Variants in HDAC8 observed in about 807,000 individuals in gnomAD.
The protein encoded by HDAC8 is histone deacetylase 8, also known as histone deacetylase-like 1.
A neutral mutation model predicts 32.2 loss-of-function variants in HDAC8; 1 was observed. The observed-to-expected ratio is 0.03, with a 90% CI of 0.01 to 0.15. The LOEUF (loss-of-function observed/expected upper bound fraction) is 0.15. Among genes scored for constraint, HDAC8 ranks in the 10% least tolerant of loss-of-function variants. The pLI, the probability that HDAC8 is intolerant of heterozygous loss-of-function variation, is 1.00. For missense variants in HDAC8, 117 were observed against 300.0 expected, an observed-to-expected ratio of 0.39 and a Z score of 4.51; for synonymous variants, 108 against 113.9, an observed-to-expected ratio of 0.95 and a Z score of 0.33.
At chrX:72,532,249 A>ATTTTTTTTTTTT (rs34829256) in intron 4 of HDAC8, among the ~76,000 whole-genome samples, 5 of 54,192 alleles carry the variant, frequency 9.2e-5, no homozygotes, top group Non-Finnish European at 1.2e-4. Context: ...CGTGTTGGGC[A>ATTTTTTTTTTTT]TTTTTTTTTT....
intron 2 of HDAC8, 86 bp downstream of exon 2, chrX:72,571,971 C>A (rs1603245371): frequency 1.3e-6 from 1 of 774,292 alleles, no homozygotes; most frequent in South Asian, 2.9e-5. Context: ...TTCAAAAGAC[C>A]ATTCTTTTCC....
chrX:72,401,319 C>T (rs965428706), intron 9 of HDAC8, among the ~76,000 whole-genome samples: 1 of 112,071 alleles, frequency 8.9e-6, no homozygotes, highest in South Asian at 3.8e-4. Context: ...ACTGCAACCT[C>T]AACCTCCTGG....
chrX:72,432,837 T>C (rs145192290), intron 9 of HDAC8, among the ~76,000 whole-genome samples: 83 of 111,874 alleles, frequency 7.4e-4, no homozygotes, highest in African/African-American at 2.6e-3. Context: ...CACTTGGCAG[T>C]GTCTGGCACA....
At chrX:72,337,728 C>T (rs1459619040) in intron 10 of HDAC8, among the ~76,000 whole-genome samples, 2 of 111,627 alleles carry the variant, frequency 1.8e-5, no homozygotes, top group Non-Finnish European at 3.8e-5. Context: ...GACCACATCA[C>T]TCCTATGCTC....
At chrX:72,516,355 A>G (rs1037484407) in intron 4 of HDAC8, among the ~76,000 whole-genome samples, 2 of 110,891 alleles carry the variant, frequency 1.8e-5, no homozygotes, top group Non-Finnish European at 3.8e-5. Context: ...CTGTAGTGTC[A>G]CAGTCACCGG....
intron 10 of HDAC8, among the ~76,000 whole-genome samples, chrX:72,347,793 A>G (rs1341916210): frequency 3.6e-5 from 4 of 112,126 alleles, no homozygotes; most frequent in Admixed American, 1.9e-4. Context: ...ATGATTTTAC[A>G]ATAGTAGTCA....
At chrX:72,451,025 A>C (rs1718774068) in intron 9 of HDAC8, among the ~76,000 whole-genome samples, 1 of 111,097 alleles carries the variant, frequency 9.0e-6, no homozygotes, top group Non-Finnish European at 1.9e-5. Flanking sequence ...AAATCTGAAA[A>C]AAAATCTGAA....
At chrX:72,467,115 T>C (rs1555995023) in intron 7 of HDAC8, 1 of 110,674 alleles carries the variant, frequency 9.0e-6, no homozygotes. Flanking sequence ...ATGGTACTGA[T>C]CTGTATCTTG....
intron 9 of HDAC8, among the ~76,000 whole-genome samples, chrX:72,434,110 C>A (rs782309863): frequency 3.6e-4 from 40 of 111,564 alleles, no homozygotes; most frequent in African/African-American, 1.3e-3. Context: ...AATCCCGGAC[C>A]CTGCTGAAAG....
chrX:72,520,361 A>G (rs782786302), intron 4 of HDAC8, among the ~76,000 whole-genome samples: 1 of 112,276 alleles, frequency 8.9e-6, no homozygotes, highest in South Asian at 3.7e-4. Flanking sequence ...CTCATCATAC[A>G]TTTCATAGGC....
intron 9 of HDAC8, among the ~76,000 whole-genome samples, chrX:72,404,657 A>T (rs188140709): frequency 9.0e-6 from 1 of 111,178 alleles, no homozygotes; most frequent in East Asian, 2.8e-4. Flanking sequence ...ATATAATTTT[A>T]GGATGAAATT....
At chrX:72,490,807 A>T (rs782581632) in intron 6 of HDAC8, 122 bp downstream of exon 6, 7 of 496,101 alleles carry the variant, frequency 1.4e-5, no homozygotes, top group South Asian at 4.2e-5. Context: ...CAAAAAAAAA[A>T]ATTTTGCATA....
At chrX:72,371,496 A>G (rs1241859112) in intron 9 of HDAC8, among the ~76,000 whole-genome samples, 1 of 111,576 alleles carries the variant, frequency 9.0e-6, no homozygotes, top group African/African-American at 3.3e-5. Context: ...TTTGGGAACT[A>G]GGAAGTCCTG....
intron 7 of HDAC8, chrX:72,474,331 TC>T (rs1195873717): frequency 1.3e-6 from 1 of 757,967 alleles, no homozygotes; most frequent in African/African-American, 2.3e-5. Context: ...TCCACTAACT[TC>T]CTCGAGGGTA....
chrX:72,517,970 C>T lies in HDAC8; in HGVS notation c.438-22702G>A, dbSNP rs138647051. Among the ~76,000 whole-genome samples the T allele has an allele frequency of 4.1e-3, 460 of 111,627 alleles. 3 individuals carry two copies. Among genetic ancestry groups the T allele is most frequent in the Non-Finnish European group, 6.5e-3 (344 of 53,071 alleles). On this transcript the variant is annotated intron_variant, in intron 4 of 10. Coordinates refer to ENST00000373573, the MANE Select transcript of HDAC8 (RefSeq NM_018486.3). ...ATTGTGTTGAATCTTTAGGTCAATT[C>T]GGGAGTATTGCCATCTTAACAATAT...
chrX:72,470,733 T>C (rs1392842418), intron 7 of HDAC8, among the ~76,000 whole-genome samples: 2 of 112,027 alleles, frequency 1.8e-5, no homozygotes, highest in Admixed American at 1.9e-4. Context: ...TTTTCTCTGT[T>C]ATCTTTTTCA....
intron 9 of HDAC8, among the ~76,000 whole-genome samples, chrX:72,425,787 A>G (rs1555975249): frequency 9.0e-6 from 1 of 111,402 alleles, no homozygotes; most frequent in African/African-American, 3.3e-5. Flanking sequence ...CCCTACAGAC[A>G]TAGTAAACTA....
chrX:72,554,275 T>C (rs2051190743), intron 4 of HDAC8, among the ~76,000 whole-genome samples: 1 of 110,727 alleles, frequency 9.0e-6, no homozygotes, highest in South Asian at 3.9e-4. Flanking sequence ...ATCATGAACT[T>C]TTGCTCCTAA....
At chrX:72,448,630 C>T (rs2047484722) in intron 9 of HDAC8, among the ~76,000 whole-genome samples, 2 of 112,268 alleles carry the variant, frequency 1.8e-5, no homozygotes, top group South Asian at 7.4e-4. Flanking sequence ...GAGAAACTAT[C>T]ATCAGAGTGA....
Sources: gnomAD v4.1 joint callset for allele counts (sites outside exome capture counted in the v4.1 genomes callset) on GRCh38, gnomAD v4.1.1 for gene constraint, MANE v1.5 for transcripts, NCBI Gene and HGNC (gene_info 2026-07-23, HGNC 2026-07-21) for gene names.